The following THRB variants were observed in gnomAD, a reference collection of about 807,000 sequenced individuals.
THRB encodes the protein nuclear receptor subfamily 1 group A member 2.
Under a neutral mutation model 47.8 loss-of-function variants are expected in THRB, and 12 were observed. The observed-to-expected ratio is 0.25, with a 90% CI of 0.16 to 0.41. The LOEUF (loss-of-function observed/expected upper bound fraction) is 0.41. Ranked by LOEUF, THRB falls within the 10% of genes least tolerant of loss-of-function variation. THRB has a pLI of 1.00. For synonymous variants in THRB, 218 were observed against 212.2 expected (o/e 1.03, Z -0.24); for missense variants, 348 against 589.2 (o/e 0.59, Z 4.24).
At chr3:24,135,847 A>T (rs1667733) in intron 8 of THRB, among the ~76,000 whole-genome samples, 7,359 of 130,908 alleles carry the variant, frequency 0.056, 517 homozygotes, top group African/African-American at 0.18. Context: ...ATATATATAT[A>T]ATACATAAAT....
At chr3:24,277,992 T>TCCG (rs2054114230) in intron 3 of THRB, among the ~76,000 whole-genome samples, 3 of 152,234 alleles carry the variant, frequency 2.0e-5, no homozygotes, top group Non-Finnish European at 4.4e-5. Context: ...TTCATTATGC[T>TCCG]GGGTTTTTCC....
intron 3 of THRB, among the ~76,000 whole-genome samples, chr3:24,234,354 G>A (rs1208103163): frequency 1.3e-5 from 2 of 152,022 alleles, no homozygotes; most frequent in East Asian, 3.8e-4. Context: ...GATAGCTAAT[G>A]GAAAAGATAT....
intron 2 of THRB, among the ~76,000 whole-genome samples, chr3:24,336,243 G>A (rs1298605797): frequency 2.0e-5 from 3 of 152,210 alleles, no homozygotes; most frequent in African/African-American, 7.2e-5. Flanking sequence ...TGGGCACTGA[G>A]TGCTGTAATA....
intron 1 of THRB, among the ~76,000 whole-genome samples, chr3:24,430,402 A>C (rs1350692850): frequency 6.6e-6 from 1 of 152,134 alleles, no homozygotes; most frequent in African/African-American, 2.4e-5. Flanking sequence ...AAGTTATGCT[A>C]GCACAATTGT....
chr3:24,433,606 G>T (rs1326582529), intron 1 of THRB, among the ~76,000 whole-genome samples: 1 of 152,130 alleles, frequency 6.6e-6, no homozygotes, highest in Non-Finnish European at 1.5e-5. Flanking sequence ...CATTTGTGTT[G>T]TTTTAAGCAA....
intron 1 of THRB, among the ~76,000 whole-genome samples, chr3:24,485,383 G>A (rs893769589): frequency 4.6e-5 from 7 of 152,214 alleles, no homozygotes; most frequent in South Asian, 2.1e-4. Flanking sequence ...GCCACATCTC[G>A]GAGAAAGTGA....
chr3:24,122,896 C>T lies in THRB; in HGVS notation c.1374G>A (p.Val458=), dbSNP rs765311632. Residue 458 remains valine, a synonymous_variant, in exon 11 of 11, where the codon GTG becomes GTA. Coordinates refer to ENST00000646209, the MANE Select transcript of THRB (RefSeq NM_001354712.2). ...TELFPPLFLE[V]FED is the part of the protein sequence containing the mutation. ...GAATCCAGTCAGTCTAATCCTCGAA[C>T]ACTTCCAAGAACAAAGGGGGGAAGA... 32 of 1,614,060 alleles carry T rather than the reference C, an allele frequency of 2.0e-5. No homozygotes were observed. The highest frequency in any genetic ancestry group is 2.6e-5 in the Non-Finnish European group (31 of 1,180,038).
At chr3:24,341,231 C>CTTTTTTTTT (rs5847287) in intron 1 of THRB, among the ~76,000 whole-genome samples, 2 of 104,050 alleles carry the variant, frequency 1.9e-5, no homozygotes, top group Non-Finnish European at 1.8e-5. Flanking sequence ...ATGAGATTAC[C>CTTTTTTTTT]TTTTTTTTTT....
intron 3 of THRB, among the ~76,000 whole-genome samples, chr3:24,274,616 T>C (rs1411512772): frequency 6.6e-6 from 1 of 152,184 alleles, no homozygotes; most frequent in Non-Finnish European, 1.5e-5. Flanking sequence ...TTTTTTAAAT[T>C]ATCATAATCA....
At position 24,118,005 on chromosome 3, in the gene THRB, A is replaced by T. The variant is rs1468261314; in HGVS notation, c.*4879T>A. On this transcript the variant is annotated 3_prime_UTR_variant, in exon 11 of 11. Transcript: ENST00000646209. ...CTTTGTGGCCCCTTCCAAAGAGGTA[A>T]CCCCCCATCAGCATTTTACTTAGTT... The T allele has an allele frequency of 1.3e-5, 2 of 152,122 alleles. No homozygotes were observed. The highest frequency in any genetic ancestry group is 2.1e-4 in the South Asian group (1 of 4,810). 9.4% of individuals were successfully genotyped at this position (152,122 alleles called of 1,614,324 possible). A position where few individuals can be genotyped will look rare whatever the true frequency, so the allele number is the denominator to read the frequency against.
At chr3:24,123,164 G>A (rs746684145) in intron 10 of THRB, 39 bp from the exon 11 acceptor site, 1 of 1,612,676 alleles carries the variant, frequency 6.2e-7, no homozygotes, top group East Asian at 2.2e-5. Flanking sequence ...ATTCAGAGAT[G>A]GAAGGGGGAA....
At chr3:24,420,247 C>T (rs966074236) in intron 1 of THRB, among the ~76,000 whole-genome samples, 46 of 151,832 alleles carry the variant, frequency 3.0e-4, no homozygotes, top group Admixed American at 2.5e-3. Flanking sequence ...GCCATTTGCT[C>T]AGAAGCAATT....
chr3:24,489,733 C>T (rs1697854748), intron 1 of THRB, among the ~76,000 whole-genome samples: 1 of 152,174 alleles, frequency 6.6e-6, no homozygotes, highest in African/African-American at 2.4e-5. Flanking sequence ...TAGCATTGAG[C>T]ATAGATCACT....
chr3:24,281,257 G>T (rs1465420873), intron 3 of THRB, among the ~76,000 whole-genome samples: 3 of 152,094 alleles, frequency 2.0e-5, no homozygotes, highest in Non-Finnish European at 4.4e-5. Context: ...AACTCTACAA[G>T]CCAGAAGAGA....
At chr3:24,454,333 A>G (rs751807790) in intron 1 of THRB, among the ~76,000 whole-genome samples, 3 of 152,208 alleles carry the variant, frequency 2.0e-5, no homozygotes, top group African/African-American at 4.8e-5. Context: ...ACAGACAGAA[A>G]GTAGATTAGT....
At position 24,311,580 on chromosome 3, in the gene THRB, C is replaced by T. The variant is rs141238184; in HGVS notation, c.-188-14209G>A. 1.9e-3 allele frequency among the ~76,000 whole-genome samples: 293 copies of T among 152,242 alleles called. 1 individual carries two copies. Among genetic ancestry groups the T allele is most frequent in the African/African-American group, 6.8e-3 (284 of 41,552 alleles). On this transcript the variant is annotated intron_variant, in intron 2 of 10. Coordinates refer to ENST00000646209, the MANE Select transcript of THRB (RefSeq NM_001354712.2). ...TAAGCCCCTTTTTTACACCTGAGTC[C>T]GTATCTTAGCAAATGGTCCCCTGGG...
At chr3:24,471,916 C>CG (rs1390795669) in intron 1 of THRB, among the ~76,000 whole-genome samples, 3 of 152,140 alleles carry the variant, frequency 2.0e-5, no homozygotes, top group Non-Finnish European at 2.9e-5. Context: ...TTGTTCCTCC[C>CG]TTTGCCTACT....
At chr3:24,466,651 G>C (rs553708983) in intron 1 of THRB, among the ~76,000 whole-genome samples, 1 of 152,290 alleles carries the variant, frequency 6.6e-6, no homozygotes, top group East Asian at 1.9e-4. Flanking sequence ...CATGAATTTT[G>C]CTTCCCAGGG....
intron 4 of THRB, among the ~76,000 whole-genome samples, chr3:24,203,665 G>A (rs13100733): frequency 0.14 from 20,606 of 152,158 alleles, 1,560 homozygotes; most frequent in Non-Finnish European, 0.17. Context: ...GGGTGCAGGA[G>A]AGTGGGTGCA....
Sources: gnomAD v4.1 joint callset for allele counts (sites outside exome capture counted in the v4.1 genomes callset) on GRCh38, gnomAD v4.1.1 for gene constraint, MANE v1.5 for transcripts, NCBI Gene and HGNC (gene_info 2026-07-23, HGNC 2026-07-21) for gene names.